PRR5L: variants seen among roughly 807,000 people sequenced by gnomAD.
PRR5L encodes the protein proline rich 5 like.
PRR5L carries 21 observed loss-of-function variants against 36.4 expected under a neutral mutation model. That is an observed-to-expected ratio of 0.58 (90% CI 0.41 to 0.83). The LOEUF (loss-of-function observed/expected upper bound fraction) is 0.83. PRR5L is among the 40% of genes least tolerant of loss of function. The pLI, the probability that PRR5L is intolerant of heterozygous loss-of-function variation, is 0.00. For missense variants in PRR5L, 381 were observed against 473.3 expected, an observed-to-expected ratio of 0.80 and a Z score of 1.81; for synonymous variants, 188 against 197.0, an observed-to-expected ratio of 0.95 and a Z score of 0.38.
At chr11:36,315,349 C>T (rs1337101593) in intron 1 of PRR5L, among the ~76,000 whole-genome samples, 1 of 152,064 alleles carries the variant, frequency 6.6e-6, no homozygotes, top group Non-Finnish European at 1.5e-5. Context: ...GCATATTTGC[C>T]TCCTTTCCTG....
intron 1 of PRR5L, among the ~76,000 whole-genome samples, chr11:36,313,660 A>C (rs1856526770): frequency 6.6e-6 from 1 of 152,178 alleles, no homozygotes. Context: ...TCCTGTATGA[A>C]AAAGCCAAGC....
At chr11:36,409,248 C>T (rs1857975438) in intron 3 of PRR5L, among the ~76,000 whole-genome samples, 1 of 152,150 alleles carries the variant, frequency 6.6e-6, no homozygotes, top group Non-Finnish European at 1.5e-5. Context: ...CCTCAAACTC[C>T]CTGGGAGGAC....
chr11:36,297,826 C>T (rs554429216), intron 1 of PRR5L, among the ~76,000 whole-genome samples: 2 of 152,178 alleles, frequency 1.3e-5, no homozygotes, highest in Non-Finnish European at 2.9e-5. Flanking sequence ...TGGTTGGCTT[C>T]TCATTTCCCA....
chr11:36,445,919 G>T (rs987956620), intron 6 of PRR5L, among the ~76,000 whole-genome samples: 2 of 152,142 alleles, frequency 1.3e-5, no homozygotes, highest in African/African-American at 4.8e-5. Context: ...TATGATAGAT[G>T]TTCAGATATA....
At chr11:36,436,031 A>G (rs552364972) in intron 5 of PRR5L, among the ~76,000 whole-genome samples, 23 of 152,300 alleles carry the variant, frequency 1.5e-4, no homozygotes, top group Middle Eastern at 3.4e-3. Flanking sequence ...AGGCAAGTTG[A>G]GGGTGCCCTG....
At chr11:36,370,328 C>G (rs1857184927) in intron 1 of PRR5L, among the ~76,000 whole-genome samples, 2 of 152,104 alleles carry the variant, frequency 1.3e-5, no homozygotes, top group Admixed American at 6.5e-5. Context: ...CCTTGATGAC[C>G]CTATGTAAAG....
chr11:36,375,310 G>A (rs1857243174), intron 1 of PRR5L, among the ~76,000 whole-genome samples: 1 of 151,980 alleles, frequency 6.6e-6, no homozygotes. Context: ...TGATTCCTGG[G>A]ATGAAATTTA....
At chr11:36,349,279 CAAAA>C (rs56844732) in intron 1 of PRR5L, among the ~76,000 whole-genome samples, 5 of 106,542 alleles carry the variant, frequency 4.7e-5, no homozygotes, top group Non-Finnish European at 5.4e-5. Flanking sequence ...AAGACTCTGC[CAAAA>C]AAAAAAAAAA....
At chr11:36,385,338 A>G (rs1035179549) in intron 1 of PRR5L, among the ~76,000 whole-genome samples, 3 of 152,228 alleles carry the variant, frequency 2.0e-5, no homozygotes, top group Admixed American at 2.0e-4. Flanking sequence ...AGATGAGTAA[A>G]TAAGATGTGT....
chr11:36,317,267 G>A (rs972926452), intron 1 of PRR5L, among the ~76,000 whole-genome samples: 1 of 152,208 alleles, frequency 6.6e-6, no homozygotes, highest in Admixed American at 6.5e-5. Context: ...AACACTGACT[G>A]GGGTCAGGCT....
intron 1 of PRR5L, among the ~76,000 whole-genome samples, chr11:36,386,846 G>C (rs967162598): frequency 6.6e-6 from 1 of 152,232 alleles, no homozygotes; most frequent in African/African-American, 2.4e-5. Flanking sequence ...GCTTGACACA[G>C]TCCTGACCAT....
At chr11:36,323,638 T>G (rs1333520386) in intron 1 of PRR5L, among the ~76,000 whole-genome samples, 1 of 152,264 alleles carries the variant, frequency 6.6e-6, no homozygotes, top group African/African-American at 2.4e-5. Context: ...GCTGACACTA[T>G]TTTGATTTGA....
intron 1 of PRR5L, among the ~76,000 whole-genome samples, chr11:36,346,165 G>A (rs1016636626): frequency 6.6e-6 from 1 of 152,008 alleles, no homozygotes; most frequent in Non-Finnish European, 1.5e-5. Flanking sequence ...GTAGAGATGG[G>A]GCCTTATTAT....
At chr11:36,301,170 C>G (rs1190615389) in intron 1 of PRR5L, 1 of 152,530 alleles carries the variant, frequency 6.6e-6, no homozygotes, top group African/African-American at 2.4e-5. Flanking sequence ...TGCTCAAGCA[C>G]AGGCCGGGGT....
At chr11:36,324,357 T>C (rs1032213765) in intron 1 of PRR5L, among the ~76,000 whole-genome samples, 2 of 152,176 alleles carry the variant, frequency 1.3e-5, no homozygotes, top group Non-Finnish European at 2.9e-5. Context: ...ACAATATTTA[T>C]AGATGTCAAA....
At chr11:36,299,501 T>G (rs1856350255) in intron 1 of PRR5L, among the ~76,000 whole-genome samples, 1 of 152,238 alleles carries the variant, frequency 6.6e-6, no homozygotes. Flanking sequence ...CCACTTCTTT[T>G]GTCAGCCCTG....
intron 1 of PRR5L, among the ~76,000 whole-genome samples, chr11:36,373,060 A>C (rs1351000097): frequency 6.6e-6 from 1 of 151,770 alleles, no homozygotes; most frequent in Non-Finnish European, 1.5e-5. Context: ...TGGGGCCAAA[A>C]TTTTCACAGC....
intron 1 of PRR5L, among the ~76,000 whole-genome samples, chr11:36,383,979 CA>C (rs1857414926): frequency 1.3e-5 from 2 of 152,100 alleles, no homozygotes; most frequent in Admixed American, 1.3e-4. Flanking sequence ...TAATCATGAC[CA>C]ATTACTATTC....
At chr11:36,410,934 T>G (rs1446919205) in intron 3 of PRR5L, among the ~76,000 whole-genome samples, 1 of 152,208 alleles carries the variant, frequency 6.6e-6, no homozygotes, top group East Asian at 1.9e-4. Context: ...TGTTCCTGGA[T>G]CTTGAGGCGG....
Sources: allele counts gnomAD v4.1 joint callset (sites outside exome capture counted in the v4.1 genomes callset), GRCh38; gene constraint gnomAD v4.1.1; transcripts MANE v1.5; gene names NCBI Gene and HGNC (gene_info 2026-07-23, HGNC 2026-07-21).